GGT1: variants seen among roughly 807,000 people sequenced by gnomAD.
GGT1 encodes the protein gamma-glutamyltransferase 1, also known as glutathione hydrolase 1 proenzyme.
A neutral mutation model predicts 56.0 loss-of-function variants in GGT1; 21 were observed. The observed-to-expected ratio is 0.38, with a 90% CI of 0.27 to 0.54. The LOEUF (loss-of-function observed/expected upper bound fraction) is 0.54. Ranked by LOEUF, GGT1 falls within the 20% of genes least tolerant of loss-of-function variation. The pLI is 0.82. For synonymous variants in GGT1, 238 were observed against 342.6 expected (o/e 0.69, Z 3.37); for missense variants, 466 against 787.0 (o/e 0.59, Z 4.88).
At chr22:24,626,054 G>C (rs1021917707) in intron 11 of GGT1, among the ~76,000 whole-genome samples, 1 of 127,310 alleles carries the variant, frequency 7.9e-6, no homozygotes, top group Non-Finnish European at 1.6e-5. Flanking sequence ...GTGCAGTGGC[G>C]GGATCTCCGC....
At chr22:24,624,102 C>T in intron 11 of GGT1, 186 bp downstream of exon 11, 1 of 985,420 alleles carries the variant, frequency 1.0e-6, no homozygotes, top group Non-Finnish European at 1.2e-6. Flanking sequence ...TTCTGCCGCA[C>T]AGAACTGACA....
chr22:24,602,714 G>A (rs1206339965), upstream of GGT1, among the ~76,000 whole-genome samples: 1 of 152,174 alleles, frequency 6.6e-6, no homozygotes, highest in African/African-American at 2.4e-5. Flanking sequence ...TCCTTGGAGT[G>A]ACAGCTCCTA....
rs532208018 is a variant in GGT1, at chr22:24,627,883, G to A, written c.1240G>A (p.Gly414Arg). 8.7e-6 allele frequency: 14 copies of A among 1,613,894 alleles called. No homozygotes were observed. Among genetic ancestry groups the A allele is most frequent in the Admixed American group, 5.0e-5 (3 of 60,004 alleles). ...FGSKVRSPVS[G>R]ILFNNEMDDF... ...CTCCAAGGTCCGCTCCCCGGTCAGC[G>A]GGATCCTGTTCAATAATGAAATGGA... Residue 414 changes from glycine (G) to arginine (R), a missense_variant, in exon 13 of 16, where the codon GGG becomes AGG. By Grantham distance (125) the Gly-to-Arg change is moderately radical (BLOSUM62 -2). Transcript: ENST00000400382.
At chr22:24,603,852 C>G (rs956009543) in intron 1 of GGT1, among the ~76,000 whole-genome samples, 1 of 151,856 alleles carries the variant, frequency 6.6e-6, no homozygotes, top group Non-Finnish European at 1.5e-5. Context: ...CTCCTGGGTT[C>G]TGTTTGTGGC....
intron 1 of GGT1, among the ~76,000 whole-genome samples, chr22:24,605,083 G>GTATATTATATAATATGTAATATATTA: frequency 6.2e-5 from 1 of 16,054 alleles, no homozygotes; most frequent in South Asian, 1.1e-3. Flanking sequence ...AATATATAAA[G>GTATATTATATAATATGTAATATATTA]TATATTATAT....
rs2047939124 is a variant in GGT1, at chr22:24,628,639, G to T, written c.1564-54G>T. 1 of 1,610,970 alleles carries T rather than the reference G, an allele frequency of 6.2e-7. No homozygotes were observed. Among genetic ancestry groups the T allele is most frequent in the Admixed American group, 1.7e-5 (1 of 60,026 alleles). ...TGAGGCCTGTGACCACACAGATGTG[G>T]TTCAGGTGGCATCTGGAGCCCTGCT... On this transcript the variant is annotated intron_variant, in intron 15 of 15. Coordinates refer to ENST00000400382, the MANE Select transcript of GGT1 (RefSeq NM_001288833.2). This position sits in a 1 kb window ranked among gnomAD's most constrained non-coding sequence, Gnocchi z 5.7.
intron 7 of GGT1, among the ~76,000 whole-genome samples, chr22:24,618,944 A>C (rs1235252906): frequency 6.6e-6 from 1 of 151,772 alleles, no homozygotes; most frequent in African/African-American, 2.4e-5. Context: ...GTTTCCAATG[A>C]CCTCCTCAAA....
chr22:24,622,391 G>A (rs1489953030), intron 9 of GGT1, among the ~76,000 whole-genome samples: 2 of 151,964 alleles, frequency 1.3e-5, no homozygotes, highest in African/African-American at 4.8e-5. Flanking sequence ...AGTGAAACCT[G>A]TCTCTACTAA....
At chr22:24,598,912 C>A (rs1339288694), upstream of GGT1, among the ~76,000 whole-genome samples, 7 of 152,170 alleles carry the variant, frequency 4.6e-5, no homozygotes, top group Admixed American at 2.6e-4. Context: ...CAAACCCTGT[C>A]CTCTTGGGCC....
chr22:24,628,077 G>A lies in GGT1; in HGVS notation c.1337-4G>A, dbSNP rs5996723. ...GCATCCCTGTCTTCTCCCATCGGCC[G>A]CAGGGAAGCAGCCGCTCTCGTCCAT... On this transcript the variant is annotated splice_polypyrimidine_tract_variant and splice_region_variant and intron_variant, in intron 13 of 15. Coordinates refer to ENST00000400382, the MANE Select transcript of GGT1 (RefSeq NM_001288833.2). The surrounding 1 kb of genome is among the most constrained non-coding windows in gnomAD (Gnocchi z 5.7). 2,456 of 1,606,630 alleles carry A rather than the reference G, an allele frequency of 1.5e-3. 9 individuals are homozygous for A. The highest frequency in any genetic ancestry group is 1.8e-3 in the Non-Finnish European group (2,110 of 1,174,976).
intron 9 of GGT1, 52 bp from the exon 10 acceptor site, chr22:24,623,055 G>A (rs1481428870): frequency 3.3e-5 from 53 of 1,610,086 alleles, no homozygotes; most frequent in Admixed American, 6.7e-5. Flanking sequence ...CATCCTCCAC[G>A]CAGTGGTGCA....
At chr22:24,595,174 T>A (rs2045671842) in intron 1 of GGT1, among the ~76,000 whole-genome samples, 1 of 152,132 alleles carries the variant, frequency 6.6e-6, no homozygotes, top group African/African-American at 2.4e-5. Context: ...ACCCTCTGTG[T>A]CCCTGGCCGA....
chr22:24,586,607 C>T, the GGT1 span, among the ~76,000 whole-genome samples: 6 of 152,268 alleles, frequency 3.9e-5, no homozygotes, highest in Non-Finnish European at 7.3e-5. Context: ...TCTCGGCTTA[C>T]GGCAACCTCT....
intron 9 of GGT1, among the ~76,000 whole-genome samples, chr22:24,621,492 T>A (rs5751910): frequency 0.39 from 57,879 of 146,734 alleles, 12,166 homozygotes; most frequent in African/African-American, 0.54. Flanking sequence ...GATGAGGGTC[T>A]CCTTGAGAGA....
At chr22:24,584,390 C>T in the GGT1 span, among the ~76,000 whole-genome samples, 6 of 152,312 alleles carry the variant, frequency 3.9e-5, no homozygotes, top group South Asian at 4.1e-4. Context: ...GTAAGAAGTC[C>T]GCCTAAAGCA....
Position 24,615,058 on chromosome 22 carries a change from A to G in GGT1, c.313A>G (p.Asn105Asp), listed in dbSNP as rs1205508516. The change falls in exon 7 of 16, where the codon AAC (asparagine) becomes GAC (aspartate). Residue 105 changes from asparagine to aspartate, a missense_variant. This residue lies in a region of GGT1 where 456 missense variants were observed against 716.7 expected (regional missense o/e 0.64). Transcript: ENST00000400382. ...CCTTCTAGGAAAAGCTGAGGTCATCAACGCCCGCGAGGTGGCCCCCAGGCT... is the reference window on the plus strand; with the variant it reads ...CCTTCTAGGAAAAGCTGAGGTCATCGACGCCCGCGAGGTGGCCCCCAGGCT... ...NSTTRKAEVINAREVAPRLAF... is the reference protein window; with the variant it reads ...NSTTRKAEVIDAREVAPRLAF... 6 of 1,611,982 alleles carry G rather than the reference A, an allele frequency of 3.7e-6. No individual in the cohort carries two copies. Among genetic ancestry groups the G allele is most frequent in the Non-Finnish European group, 5.1e-6 (6 of 1,179,680 alleles).
the GGT1 span, among the ~76,000 whole-genome samples, chr22:24,583,959 T>G: frequency 6.6e-6 from 1 of 152,172 alleles, no homozygotes; most frequent in Non-Finnish European, 1.5e-5. Context: ...ATGTGACAGG[T>G]TTATCAGCTT....
upstream of GGT1, among the ~76,000 whole-genome samples, chr22:24,598,795 C>T (rs2045736585): frequency 6.6e-6 from 1 of 152,208 alleles, no homozygotes; most frequent in Admixed American, 6.5e-5. Context: ...TCAAGCCATC[C>T]ACCCACCTCG....
chr22:24,586,464 CTGACCACAGACAG>C, the GGT1 span: 7 of 1,557,270 alleles, frequency 4.5e-6, no homozygotes, highest in East Asian at 1.6e-4. Flanking sequence ...AGTCCCCCCA[CTGACCACAGACAG>C]TGACCTGTCG....
Sources: allele counts gnomAD v4.1 joint callset (sites outside exome capture counted in the v4.1 genomes callset), GRCh38; gene constraint gnomAD v4.1.1; regional missense constraint gnomAD v4.1.1; non-coding constraint Gnocchi (gnomAD v3.1); transcripts MANE v1.5; gene names NCBI Gene and HGNC (gene_info 2026-07-23, HGNC 2026-07-21).